The following PCNX2 variants were observed in gnomAD, a reference collection of about 807,000 sequenced individuals.
PCNX2 encodes the protein pecanex 2.
A neutral mutation model predicts 223.8 loss-of-function variants in PCNX2; 168 were observed. The observed-to-expected ratio is 0.75, with a 90% CI of 0.66 to 0.85. The LOEUF is 0.85. PCNX2 is among the 40% of genes least tolerant of loss of function. The pLI is 0.00. For synonymous variants in PCNX2, 1,006 were observed against 1,052.6 expected, an observed-to-expected ratio of 0.96 and a Z score of 0.86; for missense variants, 2,507 against 2,675.5, an observed-to-expected ratio of 0.94 and a Z score of 1.39.
At position 233,126,898 on chromosome 1, in the gene PCNX2, C is replaced by G. The variant is rs1162329531; in HGVS notation, c.3837+8115G>C. ...CCTTTCATCTAGTCACTGAAGTATG[C>G]TGAGAGCTCTCCCAGAGGTGGCTTT... On this transcript the variant is annotated intron_variant, in intron 21 of 33. Coordinates refer to ENST00000258229, the MANE Select transcript of PCNX2 (RefSeq NM_014801.4). This position sits in a 1 kb window ranked among gnomAD's most constrained non-coding sequence, Gnocchi z 4.8. Among the ~76,000 whole-genome samples, 1 of 152,192 alleles carries G rather than the reference C, an allele frequency of 6.6e-6. No individual in the cohort carries two copies. Among genetic ancestry groups the G allele is most frequent in the African/African-American group, 2.4e-5 (1 of 41,526 alleles).
chr1:233,184,588 A>T (rs2102867826), intron 15 of PCNX2, among the ~76,000 whole-genome samples: 1 of 152,250 alleles, frequency 6.6e-6, no homozygotes, highest in Middle Eastern at 3.4e-3. Flanking sequence ...CTCTACTTCG[A>T]TATTTAATCA....
intron 23 of PCNX2, among the ~76,000 whole-genome samples, chr1:233,062,274 T>G (rs914738799): frequency 6.6e-6 from 1 of 152,180 alleles, no homozygotes; most frequent in African/African-American, 2.4e-5. Flanking sequence ...TATGTATATG[T>G]GTTTGTGCAT....
intron 10 of PCNX2, among the ~76,000 whole-genome samples, chr1:233,222,089 A>G (rs1168238401): frequency 6.6e-6 from 1 of 152,190 alleles, no homozygotes; most frequent in Admixed American, 6.5e-5. Context: ...ACCAGGCGAG[A>G]GAAAAGGTGA....
chr1:233,216,914 C>G (rs951735444), intron 12 of PCNX2, among the ~76,000 whole-genome samples: 2 of 152,136 alleles, frequency 1.3e-5, no homozygotes, highest in African/African-American at 2.4e-5. Flanking sequence ...TGCAACAACA[C>G]TGATGAATCT....
At chr1:233,299,070 C>T (rs1362073930), upstream of PCNX2, among the ~76,000 whole-genome samples, 1 of 152,140 alleles carries the variant, frequency 6.6e-6, no homozygotes, top group Non-Finnish European at 1.5e-5. Flanking sequence ...CATAGGCCCT[C>T]AGCATGTTCA....
rs759919673 is a variant in PCNX2, at chr1:233,057,365, C to T, written c.4077-75G>A. ...CAGAAGAGTTGGTTTATAGAACCAG[C>T]TGCATGAGTGGAAAATGCAAAGGTG... On this transcript the variant is annotated intron_variant, in intron 23 of 33. Transcript: ENST00000258229. 32 of 1,177,772 alleles carry T rather than the reference C, an allele frequency of 2.7e-5. 1 individual carries two copies. In the Admixed American group the frequency reaches 3.0e-4, roughly 11 times the overall value. 73.0% of individuals were successfully genotyped at this position (1,177,772 alleles called of 1,614,324 possible).
chr1:233,032,068 A>T, intron 25 of PCNX2: 1 of 959,592 alleles, frequency 1.0e-6, no homozygotes, highest in Non-Finnish European at 1.2e-6. Context: ...ATTCTCTTCC[A>T]ATGGAGGAAA....
At chr1:233,051,502 A>G (rs1479263786) in intron 25 of PCNX2, among the ~76,000 whole-genome samples, 1 of 152,254 alleles carries the variant, frequency 6.6e-6, no homozygotes, top group Non-Finnish European at 1.5e-5. Context: ...ACACCATGGA[A>G]TACTATGCAG....
rs2102769677 is a variant in PCNX2, at chr1:232,984,325, T to G, written c.6393A>C (p.Gln2131His). ...CCCGTCACTGCTCGTCTGACACACT[T>G]TGCTGCGAGGCCGTGTCGTCCAGGC... The part of the protein sequence containing the change: ...DMGLDDTASQ[Q>H]SVSDEQ The change falls in exon 34 of 34, where the codon CAA becomes CAC. Residue 2131 changes from glutamine (Q) to histidine (H), a missense_variant. By Grantham distance (24) the Gln-to-His change is conservative. Coordinates refer to ENST00000258229, the MANE Select transcript of PCNX2 (RefSeq NM_014801.4). The G allele has an allele frequency of 6.2e-7, 1 of 1,609,266 alleles. No individual in the cohort carries two copies. The highest frequency in any genetic ancestry group is 2.2e-5 in the East Asian group (1 of 44,642).
chr1:233,243,233 A>G (rs1658884039), intron 8 of PCNX2, among the ~76,000 whole-genome samples: 1 of 152,194 alleles, frequency 6.6e-6, no homozygotes, highest in Non-Finnish European at 1.5e-5. Context: ...AAACTGTCAC[A>G]CGGTAACAAG....
intron 8 of PCNX2, among the ~76,000 whole-genome samples, chr1:233,237,855 T>A (rs1658510927): frequency 6.6e-6 from 1 of 152,140 alleles, no homozygotes; most frequent in Admixed American, 6.6e-5. Context: ...AGAGCTTGGC[T>A]TTGGAATGAG....
chr1:233,138,727 A>G (rs1676947463), intron 20 of PCNX2, among the ~76,000 whole-genome samples: 2 of 152,230 alleles, frequency 1.3e-5, no homozygotes, highest in African/African-American at 4.8e-5. Flanking sequence ...CAAAGAACAT[A>G]GAATTCTTGC....
At chr1:233,287,989 C>T (rs1003123029) in intron 1 of PCNX2, among the ~76,000 whole-genome samples, 1 of 151,992 alleles carries the variant, frequency 6.6e-6, no homozygotes, top group African/African-American at 2.4e-5. Context: ...ATAATAGTAA[C>T]ATAATACAAT....
chr1:233,125,812 T>C (rs1407698587), intron 21 of PCNX2: 1 of 152,232 alleles, frequency 6.6e-6, no homozygotes, highest in Admixed American at 6.5e-5. Context: ...ACAGCCAGTC[T>C]AACTATGAAG....
At chr1:233,206,540 T>C (rs1251342887) in intron 13 of PCNX2, among the ~76,000 whole-genome samples, 1 of 152,038 alleles carries the variant, frequency 6.6e-6, no homozygotes. Flanking sequence ...TTGTTCCAAC[T>C]GATAGGACTG....
chr1:233,022,607 G>C (rs3820120), intron 26 of PCNX2, among the ~76,000 whole-genome samples: 1 of 122,310 alleles, frequency 8.2e-6, no homozygotes, highest in Non-Finnish European at 1.6e-5. Flanking sequence ...TGAGAGATGG[G>C]GGGGGAGTGG....
chr1:233,257,154 T>C (rs949146053), intron 5 of PCNX2, among the ~76,000 whole-genome samples: 1 of 152,134 alleles, frequency 6.6e-6, no homozygotes, highest in Non-Finnish European at 1.5e-5. Context: ...TGAAAATAAA[T>C]GTACCTTATC....
intron 1 of PCNX2, among the ~76,000 whole-genome samples, chr1:233,277,822 A>G (rs1660992972): frequency 6.6e-6 from 1 of 152,178 alleles, no homozygotes. Context: ...AGGAGAAAGG[A>G]GATGATGAAA....
intron 25 of PCNX2, 138 bp downstream of exon 25, chr1:233,054,129 AG>A (rs1221211969): frequency 8.7e-6 from 6 of 687,604 alleles, no homozygotes; most frequent in Middle Eastern, 8.0e-4. Context: ...ATTTATATCA[AG>A]GTAGTGGTGG....
Sources: allele counts gnomAD v4.1 joint callset (sites outside exome capture counted in the v4.1 genomes callset), GRCh38; gene constraint gnomAD v4.1.1; non-coding constraint Gnocchi (gnomAD v3.1); transcripts MANE v1.5; gene names NCBI Gene and HGNC (gene_info 2026-07-23, HGNC 2026-07-21).